The following FREM2 variants were observed in gnomAD, a reference collection of about 807,000 sequenced individuals.
FREM2 encodes the protein FRAS1-related extracellular matrix protein 2.
In FREM2, 119 loss-of-function variants were observed where a neutral mutation model predicts 219.9. The ratio of observed to expected loss-of-function variants is 0.54; its 90% confidence interval spans 0.47 to 0.63. The LOEUF (loss-of-function observed/expected upper bound fraction) is 0.63. Among genes scored for constraint, FREM2 ranks in the 30% least tolerant of loss-of-function variants. The pLI is 0.00. For missense variants in FREM2, 4,030 were observed against 3,993.6 expected, an observed-to-expected ratio of 1.01 and a Z score of -0.25; for synonymous variants, 1,562 against 1,522.8, an observed-to-expected ratio of 1.03 and a Z score of -0.60.
At chr13:38,839,918 A>G (rs1876881209) in intron 6 of FREM2, among the ~76,000 whole-genome samples, 1 of 152,172 alleles carries the variant, frequency 6.6e-6, no homozygotes, top group South Asian at 2.1e-4. Context: ...CCACTGAGCT[A>G]AACCACTTGG....
At chr13:38,861,620 G>C in intron 15 of FREM2, 58 bp downstream of exon 15, 1 of 1,579,740 alleles carries the variant, frequency 6.3e-7, no homozygotes, top group South Asian at 1.1e-5. Context: ...ATTACCTGTT[G>C]TATTTTCCTT....
At chr13:38,787,264 C>G (rs183045272) in intron 6 of FREM2, among the ~76,000 whole-genome samples, 44 of 152,262 alleles carry the variant, frequency 2.9e-4, no homozygotes, top group Admixed American at 1.7e-3. Flanking sequence ...CTTCTTCATT[C>G]ACTCAACCAC....
chr13:38,723,235 A>AAAAAAT lies in FREM2; in HGVS notation c.5263+25460_5263+25465dup, dbSNP rs1293841406. ...GGGCAACAGAGCATGCGCCATCTTA[A>AAAAAAT]AAAAATAAAAATAAAAAATAAAAAA... On this transcript the variant is annotated intron_variant, in intron 2 of 23. Coordinates refer to ENST00000280481, the MANE Select transcript of FREM2 (RefSeq NM_207361.6). Among the ~76,000 whole-genome samples the AAAAAAT allele has an allele frequency of 4.6e-5, 7 of 152,142 alleles. No homozygotes were observed. In the East Asian group the frequency reaches 1.4e-3, roughly 29 times the overall value.
chr13:38,763,464 C>CTTTT (rs1163604743), intron 2 of FREM2, among the ~76,000 whole-genome samples: 2 of 102,364 alleles, frequency 2.0e-5, no homozygotes, highest in Non-Finnish European at 3.7e-5. Flanking sequence ...GTTACTTGGG[C>CTTTT]TTTTTTTTTT....
intron 2 of FREM2, among the ~76,000 whole-genome samples, chr13:38,720,126 C>T (rs910340479): frequency 6.6e-6 from 1 of 152,134 alleles, no homozygotes; most frequent in African/African-American, 2.4e-5. Context: ...TCCTTCTAAC[C>T]TACTATGTCA....
At chr13:38,751,303 C>T (rs1481376444) in intron 2 of FREM2, among the ~76,000 whole-genome samples, 2 of 151,560 alleles carry the variant, frequency 1.3e-5, no homozygotes. Context: ...TCCTTGCCAA[C>T]ACCTGCTGTC....
chr13:38,734,445 C>A (rs1043026972), intron 2 of FREM2, among the ~76,000 whole-genome samples: 2 of 152,036 alleles, frequency 1.3e-5, no homozygotes, highest in Admixed American at 6.6e-5. Context: ...AACCCTGCAC[C>A]CTTTTGTGAT....
intron 2 of FREM2, among the ~76,000 whole-genome samples, chr13:38,731,185 G>A (rs1871754676): frequency 6.6e-6 from 1 of 152,122 alleles, no homozygotes; most frequent in African/African-American, 2.4e-5. Flanking sequence ...TGAACTTCTA[G>A]AAAATGTAGC....
Position 38,687,401 on chromosome 13 carries a change from C to T in FREM2, c.57C>T (p.Ser19=), listed in dbSNP as rs1869507581. 2 of 1,608,718 alleles carry T rather than the reference C, an allele frequency of 1.2e-6. No individual in the cohort carries two copies. Among genetic ancestry groups the T allele is most frequent in the South Asian group, 2.2e-5 (2 of 90,234 alleles). ...CGCGCCGGACAGGCAACTCCACCAG[C>T]TTTCAACCAGGACCGCCACCGCCGC... The part of the protein sequence containing the change: ...LSSRRTGNST[S]FQPGPPPPPR... Residue 19 remains serine, a synonymous_variant, in exon 1 of 24, where the codon AGC becomes AGT. Transcript: ENST00000280481.
intron 1 of FREM2, among the ~76,000 whole-genome samples, chr13:38,693,127 T>C (rs1869965521): frequency 6.6e-6 from 1 of 152,202 alleles, no homozygotes; most frequent in African/African-American, 2.4e-5. Flanking sequence ...AGAGACGTAA[T>C]TGATAAACAC....
Position 38,689,073 on chromosome 13 carries a change from G to T in FREM2, c.1729G>T (p.Val577Leu). The T allele has an allele frequency of 3.1e-6, 5 of 1,613,954 alleles. No individual in the cohort carries two copies. Among genetic ancestry groups the T allele is most frequent in the Non-Finnish European group, 4.2e-6 (5 of 1,179,978 alleles). The change falls in exon 1 of 24, where the codon GTG (valine) becomes TTG (leucine). Residue 577 changes from valine to leucine, a missense_variant. Around this residue, in one of 2 missense-constraint regions of FREM2, gnomAD observed 3,102 missense variants for 2,950.7 expected, o/e 1.05. Coordinates refer to ENST00000280481, the MANE Select transcript of FREM2 (RefSeq NM_207361.6). ...TGLTLAEGETVPILPLSLSAT... is the reference protein window; with the variant it reads ...TGLTLAEGETLPILPLSLSAT... ...GCTGACACTGGCAGAGGGTGAAACA[G>T]TGCCCATCCTGCCCCTTTCCCTGAG...
In FREM2 at chr13:38,835,751, A is replaced by G. The variant is rs375098170; in HGVS notation, c.6020-10822A>G. 3.9e-5 allele frequency among the ~76,000 whole-genome samples: 6 copies of G among 152,162 alleles called. No homozygotes were observed. In the East Asian group the frequency reaches 7.7e-4, roughly 20 times the overall value. ...TCATGATTTGGCTCTCTGTTTATCT[A>G]TTATTGGTGTATAGGAATGCTTGTG... On this transcript the variant is annotated intron_variant, in intron 6 of 23. Transcript: ENST00000280481.
At chr13:38,813,847 G>T (rs1875642611) in intron 6 of FREM2, among the ~76,000 whole-genome samples, 1 of 151,298 alleles carries the variant, frequency 6.6e-6, no homozygotes, top group African/African-American at 2.4e-5. Flanking sequence ...TTGCCCTTTT[G>T]AGGGTCTTTT....
Position 38,850,991 on chromosome 13 carries a change from T to C in FREM2, c.6625T>C (p.Tyr2209His). 6.2e-7 allele frequency: 1 copy of C among 1,613,620 alleles called. No individual in the cohort carries two copies. The highest frequency in any genetic ancestry group is 8.5e-7 in the Non-Finnish European group (1 of 1,179,958). The change falls in exon 10 of 24, where the codon TAT (tyrosine) becomes CAT (histidine). Residue 2209 changes from tyrosine to histidine, a missense_variant. Physicochemically the swap from Tyr to His is moderately conservative, Grantham distance 83. Around this residue, in one of 2 missense-constraint regions of FREM2, gnomAD observed 3,102 missense variants for 2,950.7 expected, o/e 1.05. Coordinates refer to ENST00000280481, the MANE Select transcript of FREM2 (RefSeq NM_207361.6). ...CILELMDDVL[Y>H]EEVEELRLVL... ...TCTTGAGCTGATGGACGATGTGCTCTATGAGGAGGTAGAGGAGCTCCGCCT... is the reference window on the plus strand; with the variant it reads ...TCTTGAGCTGATGGACGATGTGCTCCATGAGGAGGTAGAGGAGCTCCGCCT...
At chr13:38,841,990 G>T (rs1012786692) in intron 6 of FREM2, among the ~76,000 whole-genome samples, 10 of 152,106 alleles carry the variant, frequency 6.6e-5, no homozygotes. Context: ...GGGAAAGCAG[G>T]GTGCTCCCCA....
Position 38,826,883 on chromosome 13 carries a change from A to C in FREM2, c.6020-19690A>C, listed in dbSNP as rs374975351. 1.1e-3 allele frequency among the ~76,000 whole-genome samples: 160 copies of C among 152,186 alleles called. 1 individual carries two copies. Among genetic ancestry groups the C allele is most frequent in the African/African-American group, 3.8e-3 (158 of 41,538 alleles). ...GAGTTTAAGCATAAAGTGACATCTC[A>C]TTTTATTTCCCTCTTCCTAGAATCT... is the stretch of plus-strand genomic sequence containing the variant. On this transcript the variant is annotated intron_variant, in intron 6 of 23. Coordinates refer to ENST00000280481, the MANE Select transcript of FREM2 (RefSeq NM_207361.6).
rs138266643 is a variant in FREM2 at position 38,691,963 on chromosome 13, A to G, written c.4619A>G (p.Lys1540Arg). The G allele has an allele frequency of 1.9e-6, 3 of 1,614,240 alleles. No homozygotes were observed. Among genetic ancestry groups the G allele is most frequent in the Non-Finnish European group, 1.7e-6 (2 of 1,180,040 alleles). The stretch of plus-strand genomic sequence containing the variant: ...AAAAAGCCAGTGGTCACCATCCACA[A>G]GCTGGTTGTCAGTGAAAGTGAAAAC... ...DNKKPVVTIH[K>R]LVVSESENKL... is the part of the protein sequence containing the mutation. Residue 1540 changes from lysine to arginine, a missense_variant, in exon 1 of 24, where the codon AAG becomes AGG. This residue lies in a region of FREM2 where 3,102 missense variants were observed against 2,950.7 expected (regional missense o/e 1.05). Coordinates refer to ENST00000280481, the MANE Select transcript of FREM2 (RefSeq NM_207361.6).
At chr13:38,794,825 A>G (rs1874705069) in intron 6 of FREM2, among the ~76,000 whole-genome samples, 1 of 152,148 alleles carries the variant, frequency 6.6e-6, no homozygotes, top group Non-Finnish European at 1.5e-5. Flanking sequence ...ATTCATATGC[A>G]ATACTACACA....
chr13:38,858,669 A>G (rs569276527), intron 13 of FREM2, among the ~76,000 whole-genome samples: 3 of 152,334 alleles, frequency 2.0e-5, no homozygotes, highest in African/African-American at 7.2e-5. Context: ...TCACTTATAC[A>G]ATACATGTTT....
Sources: allele counts gnomAD v4.1 joint callset (sites outside exome capture counted in the v4.1 genomes callset), GRCh38; gene constraint gnomAD v4.1.1; regional missense constraint gnomAD v4.1.1; transcripts MANE v1.5; gene names NCBI Gene and HGNC (gene_info 2026-07-23, HGNC 2026-07-21).